Variants in BFSP2 observed in about 807,000 individuals in gnomAD.
BFSP2 encodes the protein beaded filament structural protein 2.
Under a neutral mutation model 44.9 loss-of-function variants are expected in BFSP2, and 38 were observed. The ratio of observed to expected loss-of-function variants is 0.85; its 90% CI spans 0.65 to 1.11. The LOEUF is 1.11. Ranked by LOEUF, BFSP2 falls within the 50% of genes least tolerant of loss-of-function variation. The pLI, the probability that BFSP2 is intolerant of heterozygous loss-of-function variation, is 0.00. For synonymous variants in BFSP2, 197 were observed against 209.9 expected (o/e 0.94, Z 0.53); for missense variants, 525 against 533.0 (o/e 0.99, Z 0.15).
intron 4 of BFSP2, among the ~76,000 whole-genome samples, chr3:133,451,716 G>A (rs1298953793): frequency 6.6e-6 from 1 of 152,106 alleles, no homozygotes; most frequent in Non-Finnish European, 1.5e-5. Flanking sequence ...ACTTTGAGAT[G>A]TTTTTTCTTT....
At chr3:133,415,497 CCCTCTCCCTATTCACCCCGT>C (rs1451966914) in intron 1 of BFSP2, among the ~76,000 whole-genome samples, 2 of 122,274 alleles carry the variant, frequency 1.6e-5, no homozygotes, top group African/African-American at 6.8e-5. Flanking sequence ...GTCACCCCTG[CCCTCTCCCTATTCACCCCGT>C]CCTCTCCCCT....
intron 1 of BFSP2, chr3:133,412,222 C>CAT (rs750930699): frequency 1.2e-4 from 19 of 152,166 alleles, no homozygotes; most frequent in Non-Finnish European, 2.8e-4. Context: ...CTGGGTGATG[C>CAT]ATATATGGGG....
chr3:133,466,452 T>G (rs2074110111), intron 4 of BFSP2, among the ~76,000 whole-genome samples: 1 of 151,524 alleles, frequency 6.6e-6, no homozygotes, highest in Non-Finnish European at 1.5e-5. Context: ...GGCCAAGGCA[T>G]GCGGATTACC....
intron 4 of BFSP2, among the ~76,000 whole-genome samples, chr3:133,461,432 G>A (rs754824728): frequency 6.6e-6 from 1 of 152,114 alleles, no homozygotes; most frequent in Non-Finnish European, 1.5e-5. Flanking sequence ...CAGGTCCTGT[G>A]CAGTTTCAAA....
intron 1 of BFSP2, among the ~76,000 whole-genome samples, chr3:133,427,747 G>T (rs1029662718): frequency 3.9e-5 from 6 of 152,206 alleles, no homozygotes; most frequent in African/African-American, 7.2e-5. Flanking sequence ...TGACAACAGA[G>T]AATAGTTTGT....
intron 1 of BFSP2, among the ~76,000 whole-genome samples, chr3:133,414,796 C>T (rs1182100410): frequency 8.4e-5 from 7 of 83,162 alleles, no homozygotes; most frequent in African/African-American, 1.0e-4. Flanking sequence ...ACCCCCCCCC[C>T]GCTTACCCCT....
intron 1 of BFSP2, among the ~76,000 whole-genome samples, chr3:133,438,857 G>T (rs73211877): frequency 6.6e-6 from 1 of 152,056 alleles, no homozygotes; most frequent in African/African-American, 2.4e-5. Context: ...GTGGAGGGAT[G>T]GGGGGGTCAT....
intron 1 of BFSP2, among the ~76,000 whole-genome samples, chr3:133,406,543 C>T (rs1045717071): frequency 1.3e-5 from 2 of 152,060 alleles, no homozygotes; most frequent in Non-Finnish European, 2.9e-5. Context: ...GCCAGACAGC[C>T]CCTAGCCTTG....
chr3:133,460,896 C>T (rs955068333), intron 4 of BFSP2, among the ~76,000 whole-genome samples: 4 of 152,238 alleles, frequency 2.6e-5, no homozygotes, highest in African/African-American at 9.6e-5. Context: ...CCAGAGTGCT[C>T]GAGTGACTTG....
At chr3:133,414,673 T>C (rs1190657626) in intron 1 of BFSP2, among the ~76,000 whole-genome samples, 16 of 23,908 alleles carry the variant, frequency 6.7e-4, no homozygotes, top group African/African-American at 1.4e-3. Context: ...CTCTACTCAC[T>C]CCTCTACTCA....
At chr3:133,450,729 A>C (rs1368064199) in intron 4 of BFSP2, among the ~76,000 whole-genome samples, 1 of 152,232 alleles carries the variant, frequency 6.6e-6, no homozygotes. Context: ...AAACTAGTGC[A>C]CTGCCTTTGA....
rs1435290002 is a variant in BFSP2, at chr3:133,411,614, G to A, written c.489+11042G>A. On this transcript the variant is annotated intron_variant, in intron 1 of 6. Transcript: ENST00000302334. ...GAAAAGAAGGGGGTCAGATGAACGG[G>A]TTAATTCTATAGTAAGCTCTACTGT... 3.3e-5 allele frequency among the ~76,000 whole-genome samples: 5 copies of A among 152,110 alleles called. No individual in the cohort carries two copies. In the East Asian group the frequency reaches 9.6e-4, roughly 29 times the overall value.
chr3:133,434,568 C>A (rs2107909040), intron 1 of BFSP2, among the ~76,000 whole-genome samples: 1 of 152,268 alleles, frequency 6.6e-6, no homozygotes, highest in East Asian at 1.9e-4. Flanking sequence ...GCCATCGCAA[C>A]CCCTGTGACT....
chr3:133,472,242 A>C (rs758959585), intron 5 of BFSP2, 103 bp from the exon 6 acceptor site: 288 of 1,279,408 alleles, frequency 2.3e-4, no homozygotes, highest in Non-Finnish European at 2.9e-4. Flanking sequence ...CACGAGGGGA[A>C]TAGTCCAGGC....
intron 1 of BFSP2, among the ~76,000 whole-genome samples, chr3:133,402,921 G>C (rs1269184963): frequency 1.3e-5 from 2 of 152,148 alleles, no homozygotes; most frequent in African/African-American, 4.8e-5. Flanking sequence ...AGGATTACAG[G>C]AGTGAGTCAC....
intron 1 of BFSP2, among the ~76,000 whole-genome samples, chr3:133,427,014 T>C (rs1442603517): frequency 2.0e-5 from 3 of 152,216 alleles, no homozygotes; most frequent in Non-Finnish European, 4.4e-5. Flanking sequence ...GGATTATGCA[T>C]GCTGAGTATG....
intron 1 of BFSP2, among the ~76,000 whole-genome samples, chr3:133,414,693 CTCTGCTCTACTCACCACTGCCCTA>C (rs1405296444): frequency 2.4e-4 from 34 of 139,326 alleles, no homozygotes; most frequent in Middle Eastern, 4.0e-3. Flanking sequence ...ACCCTGCCAT[CTCTGCTCTACTCACCACTGCCCTA>C]TCCCCTCTAC....
intron 1 of BFSP2, among the ~76,000 whole-genome samples, chr3:133,429,117 C>G (rs531022339): frequency 5.3e-5 from 8 of 152,178 alleles, no homozygotes; most frequent in Non-Finnish European, 7.4e-5. Flanking sequence ...CCCCACCCCC[C>G]CAGAGGTCAC....
chr3:133,466,701 G>A lies in BFSP2; in HGVS notation c.892-127G>A, dbSNP rs112755909. 0.017 allele frequency: 3,143 copies of A among 183,762 alleles called. 30 individuals carry two copies. The highest frequency in any genetic ancestry group is 0.023 in the Non-Finnish European group (2,362 of 100,694). 11.4% of individuals were successfully genotyped at this position (183,762 alleles called of 1,614,324 possible). A position where few individuals can be genotyped will look rare whatever the true frequency, so the allele number is the denominator to read the frequency against. Reference sequence around the variant, plus strand: ...ACAAAAAAAAAAAAAAAAAAAAGATGTTTCCACGTGACAGCTGTATTTCCT... The same window carrying A: ...ACAAAAAAAAAAAAAAAAAAAAGATATTTCCACGTGACAGCTGTATTTCCT... On this transcript the variant is annotated intron_variant, in intron 4 of 6. Transcript: ENST00000302334.
Sources: allele counts gnomAD v4.1 joint callset (sites outside exome capture counted in the v4.1 genomes callset), GRCh38; gene constraint gnomAD v4.1.1; transcripts MANE v1.5; gene names NCBI Gene and HGNC (gene_info 2026-07-23, HGNC 2026-07-21).